Variants in ADAMTS17 observed in about 807,000 individuals in gnomAD.
ADAMTS17 encodes the protein A disintegrin and metalloproteinase with thrombospondin motifs 17.
In ADAMTS17, 113 loss-of-function variants were observed where a neutral mutation model predicts 141.5. The ratio of observed to expected loss-of-function variants is 0.80; its 90% CI spans 0.69 to 0.93. The LOEUF (loss-of-function observed/expected upper bound fraction) is 0.93, where lower values mean the gene tolerates loss of function less well. Among genes scored for constraint, ADAMTS17 ranks in the 40% least tolerant of loss-of-function variants. The pLI is 0.00. For synonymous variants in ADAMTS17, 768 were observed against 630.6 expected (o/e 1.22, Z -3.27); for missense variants, 1,659 against 1,517.9 (o/e 1.09, Z -1.54).
At chr15:100,326,872 G>A (rs1192811443) in intron 3 of ADAMTS17, among the ~76,000 whole-genome samples, 1 of 152,212 alleles carries the variant, frequency 6.6e-6, no homozygotes, top group Non-Finnish European at 1.5e-5. Flanking sequence ...TGAGGACAGA[G>A]GGTGTCATAC....
At chr15:100,013,566 CG>C (rs2061228754) in intron 18 of ADAMTS17, among the ~76,000 whole-genome samples, 1 of 152,096 alleles carries the variant, frequency 6.6e-6, no homozygotes, top group Admixed American at 6.6e-5. Flanking sequence ...CCTCGCATGC[CG>C]GTTTTGCTGA....
intron 7 of ADAMTS17, among the ~76,000 whole-genome samples, chr15:100,215,245 G>A (rs2041933886): frequency 1.3e-5 from 2 of 152,330 alleles, no homozygotes; most frequent in East Asian, 1.9e-4. Context: ...CCAAAGTGAA[G>A]CAAGATGTTG....
At chr15:100,239,178 C>T (rs181980480) in intron 7 of ADAMTS17, among the ~76,000 whole-genome samples, 19 of 152,382 alleles carry the variant, frequency 1.2e-4, no homozygotes, top group African/African-American at 4.6e-4. Context: ...AGCTGTGTGC[C>T]TTCGGGCAAG....
chr15:100,114,564 T>C (rs1233948055), intron 13 of ADAMTS17, among the ~76,000 whole-genome samples: 3 of 152,236 alleles, frequency 2.0e-5, no homozygotes, highest in East Asian at 1.9e-4. Context: ...TCGAGCTACC[T>C]GTGCAAAGCC....
intron 20 of ADAMTS17, chr15:99,978,991 A>G (rs937465001): frequency 1.6e-4 from 24 of 152,240 alleles, no homozygotes; most frequent in African/African-American, 4.8e-4. Context: ...GCACACACAA[A>G]TATGTATAAT....
At chr15:100,155,120 T>G in intron 9 of ADAMTS17, 60 bp downstream of exon 9, 3 of 1,612,094 alleles carry the variant, frequency 1.9e-6, no homozygotes, top group Non-Finnish European at 2.5e-6. Flanking sequence ...ACTCCAATAC[T>G]TTTGTCTTTT....
chr15:100,247,825 A>T (rs1403672920), intron 7 of ADAMTS17, among the ~76,000 whole-genome samples: 1 of 152,112 alleles, frequency 6.6e-6, no homozygotes, highest in East Asian at 1.9e-4. Flanking sequence ...CTGGCCTGAC[A>T]CAGATTTCCA....
chr15:100,124,447 G>A (rs74037398), intron 12 of ADAMTS17, among the ~76,000 whole-genome samples: 168 of 152,316 alleles, frequency 1.1e-3, no homozygotes, highest in African/African-American at 4.0e-3. Flanking sequence ...GCATCCGAAC[G>A]GCCAAAACCA....
intron 10 of ADAMTS17, among the ~76,000 whole-genome samples, chr15:100,140,968 C>T (rs538014071): frequency 4.5e-4 from 69 of 152,182 alleles, no homozygotes; most frequent in Non-Finnish European, 7.6e-4. Context: ...ACACAAAGGG[C>T]GGCTGCCCAG....
chr15:100,114,937 T>C (rs1366075070), intron 13 of ADAMTS17, among the ~76,000 whole-genome samples: 2 of 152,216 alleles, frequency 1.3e-5, no homozygotes, highest in African/African-American at 4.8e-5. Context: ...GGGATTTCTG[T>C]GCTGAATAAA....
chr15:100,184,067 G>C, intron 8 of ADAMTS17, among the ~76,000 whole-genome samples: 2 of 152,162 alleles, frequency 1.3e-5, no homozygotes, highest in East Asian at 3.9e-4. Flanking sequence ...GGAGCAGATC[G>C]AGCTGCCCAC....
At chr15:99,992,190 T>G (rs1174803147) in intron 20 of ADAMTS17, among the ~76,000 whole-genome samples, 1 of 151,354 alleles carries the variant, frequency 6.6e-6, no homozygotes, top group Non-Finnish European at 1.5e-5. Context: ...AAAAAAAAAA[T>G]GCTAGCCACT....
intron 20 of ADAMTS17, among the ~76,000 whole-genome samples, chr15:99,984,206 C>T (rs909121928): frequency 3.9e-5 from 6 of 152,172 alleles, no homozygotes; most frequent in Admixed American, 2.0e-4. Context: ...AGGTGACCCC[C>T]GATGGCCTGC....
At chr15:100,259,820 G>A (rs914010744) in intron 6 of ADAMTS17, among the ~76,000 whole-genome samples, 3 of 152,156 alleles carry the variant, frequency 2.0e-5, no homozygotes, top group Non-Finnish European at 4.4e-5. Flanking sequence ...ATGGGTGGTG[G>A]CATTGTGTCT....
At chr15:100,211,099 C>CAAATAAATAAATAAATAAATAAATAAAT (rs372084235) in intron 7 of ADAMTS17, among the ~76,000 whole-genome samples, 1 of 131,868 alleles carries the variant, frequency 7.6e-6, no homozygotes, top group Non-Finnish European at 1.6e-5. Flanking sequence ...GACTCAGTCT[C>CAAATAAATAAATAAATAAATAAATAAAT]AAATAAATAA....
At chr15:100,028,091 C>T (rs1337245751) in intron 18 of ADAMTS17, among the ~76,000 whole-genome samples, 5 of 152,194 alleles carry the variant, frequency 3.3e-5, no homozygotes, top group Non-Finnish European at 7.3e-5. Flanking sequence ...GATGAGCCAT[C>T]AGCTGCCATC....
chr15:100,062,262 G>A (rs536952878), intron 15 of ADAMTS17, among the ~76,000 whole-genome samples: 54 of 152,246 alleles, frequency 3.5e-4, no homozygotes, highest in African/African-American at 1.3e-3. Flanking sequence ...GCAGAAGCAC[G>A]AGCGGCCGTC....
chr15:100,001,571 T>G (rs2573668), intron 18 of ADAMTS17, among the ~76,000 whole-genome samples: 3 of 151,890 alleles, frequency 2.0e-5, no homozygotes, highest in Admixed American at 6.5e-5. Context: ...CGGTAACGAA[T>G]GTAGCACTCT....
chr15:99,974,317 G>C lies in ADAMTS17; in HGVS notation c.*85C>G, dbSNP rs1017187337. The C allele has an allele frequency of 3.2e-6, 5 of 1,571,668 alleles. No individual in the cohort carries two copies. The highest frequency in any genetic ancestry group is 1.3e-5 in the African/African-American group (1 of 74,156). ...TTGGATTCTTGTGGCAGCCGGGTGG[G>C]GGCGTGGCCACAAGGCTGGTAGGCT... On this transcript the variant is annotated 3_prime_UTR_variant, in exon 22 of 22. Transcript: ENST00000268070.
Sources: gnomAD v4.1 joint callset for allele counts (sites outside exome capture counted in the v4.1 genomes callset) on GRCh38, gnomAD v4.1.1 for gene constraint, MANE v1.5 for transcripts, NCBI Gene and HGNC (gene_info 2026-07-23, HGNC 2026-07-21) for gene names.